PIEZO2: variants seen among roughly 807,000 people sequenced by gnomAD.
PIEZO2 encodes the protein piezo-type mechanosensitive ion channel component 2.
PIEZO2 carries 172 observed loss-of-function variants against 337.3 expected under a neutral mutation model. The observed-to-expected ratio is 0.51, with a 90% CI of 0.45 to 0.58. PIEZO2 has a LOEUF of 0.58. Ranked by LOEUF, PIEZO2 falls within the 20% of genes least tolerant of loss-of-function variation. PIEZO2 has a pLI of 0.00. For synonymous variants in PIEZO2, 1,251 were observed against 1,228.5 expected (o/e 1.02, Z -0.38); for missense variants, 3,028 against 3,391.3 (o/e 0.89, Z 2.66).
intron 1 of PIEZO2, among the ~76,000 whole-genome samples, chr18:11,100,057 C>A (rs1310804762): frequency 6.6e-6 from 1 of 152,040 alleles, no homozygotes; most frequent in Non-Finnish European, 1.5e-5. Flanking sequence ...TTTTAAAATG[C>A]ATCAACATAA....
intron 1 of PIEZO2, among the ~76,000 whole-genome samples, chr18:11,086,391 C>G (rs1021150499): frequency 6.6e-6 from 1 of 151,442 alleles, no homozygotes; most frequent in Non-Finnish European, 1.5e-5. Flanking sequence ...GTGGTGCGGG[C>G]GCCTGTAGTC....
chr18:11,148,492 C>A lies in PIEZO2; in HGVS notation c.64+33G>T. The A allele has an allele frequency of 6.5e-7, 1 of 1,536,556 alleles. No individual in the cohort carries two copies. Among genetic ancestry groups the A allele is most frequent in the Non-Finnish European group, 8.7e-7 (1 of 1,146,320 alleles). On this transcript the variant is annotated intron_variant, in intron 1 of 55. Coordinates refer to ENST00000674853, the MANE Select transcript of PIEZO2 (RefSeq NM_001378183.1). This position sits in a 1 kb window ranked among gnomAD's most constrained non-coding sequence, Gnocchi z 5.2. ...CCACCCAGGCGCCCCCCTCGTCCTCCTCAAGTGCCCTCGGAAAGCGGACCA... is the reference window on the plus strand; with the variant it reads ...CCACCCAGGCGCCCCCCTCGTCCTCATCAAGTGCCCTCGGAAAGCGGACCA...
At chr18:11,138,992 G>C (rs2040565027) in intron 1 of PIEZO2, among the ~76,000 whole-genome samples, 2 of 152,164 alleles carry the variant, frequency 1.3e-5, no homozygotes, top group South Asian at 4.1e-4. Context: ...CATTGAAACT[G>C]TGCTGCTCTC....
intron 39 of PIEZO2, 69 bp downstream of exon 39, chr18:10,714,695 C>G (rs1272044506): frequency 2.1e-5 from 32 of 1,489,240 alleles, no homozygotes; most frequent in Non-Finnish European, 2.8e-5. Context: ...ACATTCATTT[C>G]TTATATTTGA....
intron 3 of PIEZO2, among the ~76,000 whole-genome samples, chr18:10,947,910 T>G (rs950746139): frequency 4.6e-5 from 7 of 152,056 alleles, no homozygotes; most frequent in African/African-American, 1.7e-4. Context: ...TGTGATAAAT[T>G]AAAGGTGAAT....
At chr18:10,699,533 T>C (rs761151677) in intron 43 of PIEZO2, among the ~76,000 whole-genome samples, 1 of 152,174 alleles carries the variant, frequency 6.6e-6, no homozygotes, top group African/African-American at 2.4e-5. Flanking sequence ...TCTGCCATGA[T>C]TGTGAGGCCT....
intron 1 of PIEZO2, among the ~76,000 whole-genome samples, chr18:11,141,170 C>G (rs543325118): frequency 6.6e-6 from 1 of 152,288 alleles, no homozygotes; most frequent in East Asian, 1.9e-4. Context: ...TCAAGAAGAA[C>G]AGAATTGTCT....
In PIEZO2 at chr18:10,724,377, C is replaced by G. The variant is rs2036439706; in HGVS notation, c.5030-6118G>C. ...CTGTCTCAAAAAACAAAAACGAAAACAAAAGTGCTTTCTCCTGGCCCAGCA... is the reference window on the plus strand; with the variant it reads ...CTGTCTCAAAAAACAAAAACGAAAAGAAAAGTGCTTTCTCCTGGCCCAGCA... On this transcript the variant is annotated intron_variant, in intron 36 of 55. Coordinates refer to ENST00000674853, the MANE Select transcript of PIEZO2 (RefSeq NM_001378183.1). This position sits in a 1 kb window ranked among gnomAD's most constrained non-coding sequence, Gnocchi z 5.8. 6.6e-6 allele frequency among the ~76,000 whole-genome samples: 1 copy of G among 152,114 alleles called. No homozygotes were observed. The highest frequency in any genetic ancestry group is 2.4e-5 in the African/African-American group (1 of 41,426).
intron 4 of PIEZO2, among the ~76,000 whole-genome samples, chr18:10,900,884 A>G (rs1429740235): frequency 6.6e-6 from 1 of 152,224 alleles, no homozygotes; most frequent in African/African-American, 2.4e-5. Context: ...CCAGTCAGCC[A>G]CTAGCAAAGA....
At chr18:10,898,285 G>A (rs555873825) in intron 4 of PIEZO2, among the ~76,000 whole-genome samples, 20 of 152,310 alleles carry the variant, frequency 1.3e-4, no homozygotes, top group Admixed American at 1.2e-3. Context: ...GCCGGGCGTG[G>A]TGGCAGGTGC....
At position 10,921,902 on chromosome 18, in the gene PIEZO2, G is replaced by A. The variant is rs536517545; in HGVS notation, c.287-10674C>T. On this transcript the variant is annotated intron_variant, in intron 3 of 55. Coordinates refer to ENST00000674853, the MANE Select transcript of PIEZO2 (RefSeq NM_001378183.1). ...GAAATAAACCCCAGTCTCCCATAGC[G>A]CTCCCAGGCTTATTAGGAAGAGGAA... 1.4e-3 allele frequency among the ~76,000 whole-genome samples: 219 copies of A among 152,158 alleles called. 2 individuals carry two copies. The highest frequency in any genetic ancestry group is 3.0e-3 in the Admixed American group (46 of 15,282).
intron 9 of PIEZO2, among the ~76,000 whole-genome samples, chr18:10,803,333 A>G (rs2039890051): frequency 6.6e-6 from 1 of 152,222 alleles, no homozygotes; most frequent in Non-Finnish European, 1.5e-5. Flanking sequence ...AAATATTGGA[A>G]AGTTTTTAAG....
Position 10,815,680 on chromosome 18 carries a change from A to G in PIEZO2, c.918-8406T>C, listed in dbSNP as rs1373141024. ...TTTGTTTCCACAGCAACGTACCTAG[A>G]TAATATTTGGGAGTGCTCTCACTCA... On this transcript the variant is annotated intron_variant, in intron 7 of 55. Coordinates refer to ENST00000674853, the MANE Select transcript of PIEZO2 (RefSeq NM_001378183.1). The surrounding 1 kb of genome is among the most constrained non-coding windows in gnomAD (Gnocchi z 4.1). Among the ~76,000 whole-genome samples the G allele has an allele frequency of 9.2e-5, 14 of 152,194 alleles. No individual in the cohort carries two copies. Among genetic ancestry groups the G allele is most frequent in the Non-Finnish European group, 4.4e-5 (3 of 68,032 alleles).
intron 13 of PIEZO2, among the ~76,000 whole-genome samples, chr18:10,791,993 C>T (rs1001515210): frequency 2.0e-5 from 3 of 152,188 alleles, no homozygotes; most frequent in African/African-American, 7.2e-5. Flanking sequence ...GTTGTCCAGG[C>T]TGGAGTGTAA....
chr18:10,949,496 A>AGT (rs1555681158), intron 3 of PIEZO2, among the ~76,000 whole-genome samples: 1 of 151,826 alleles, frequency 6.6e-6, no homozygotes, highest in African/African-American at 2.4e-5. Flanking sequence ...CTGGATTCCC[A>AGT]CTCTGTCTAC....
Position 11,027,340 on chromosome 18 carries a change from C to T in PIEZO2, c.160+38787G>A, listed in dbSNP as rs544790803. ...CTGTGTGTGAATAAAGGAAGGACTG[C>T]GACTGTCAATTCACCAGTGAGGCAA... On this transcript the variant is annotated intron_variant, in intron 2 of 55. Transcript: ENST00000674853. The surrounding 1 kb of genome is among the most constrained non-coding windows in gnomAD (Gnocchi z 4.2). Among the ~76,000 whole-genome samples, 2 of 152,098 alleles carry T rather than the reference C, an allele frequency of 1.3e-5. No homozygotes were observed. Among genetic ancestry groups the T allele is most frequent in the Non-Finnish European group, 1.5e-5 (1 of 68,012 alleles).
chr18:11,109,900 C>T lies in PIEZO2; in HGVS notation c.64+38625G>A, dbSNP rs576811003. 1.2e-4 allele frequency among the ~76,000 whole-genome samples: 19 copies of T among 152,238 alleles called. No homozygotes were observed. Among genetic ancestry groups the T allele is most frequent in the African/African-American group, 4.6e-4 (19 of 41,548 alleles). Reference sequence around the variant, plus strand: ...TTAGATTTGACTTTATTATAGTCATCTAAAGTGGAACGGAAGAATTTATTT... The same window carrying T: ...TTAGATTTGACTTTATTATAGTCATTTAAAGTGGAACGGAAGAATTTATTT... On this transcript the variant is annotated intron_variant, in intron 1 of 55. Coordinates refer to ENST00000674853, the MANE Select transcript of PIEZO2 (RefSeq NM_001378183.1). This position sits in a 1 kb window ranked among gnomAD's most constrained non-coding sequence, Gnocchi z 5.1.
chr18:11,094,580 T>C lies in PIEZO2; in HGVS notation c.65-28358A>G, dbSNP rs2039207417. Among the ~76,000 whole-genome samples the C allele has an allele frequency of 6.6e-6, 1 of 152,180 alleles. No homozygotes were observed. Among genetic ancestry groups the C allele is most frequent in the African/African-American group, 2.4e-5 (1 of 41,448 alleles). On this transcript the variant is annotated intron_variant, in intron 1 of 55. Coordinates refer to ENST00000674853, the MANE Select transcript of PIEZO2 (RefSeq NM_001378183.1). This position sits in a 1 kb window ranked among gnomAD's most constrained non-coding sequence, Gnocchi z 4.4. ...AAGTGCAGGCACTCAGAAGCCTCGC[T>C]GTCCCCTCTCTGAAGACAGATGGCA...
chr18:10,676,161 C>T lies in PIEZO2; in HGVS notation c.8082-873G>A, dbSNP rs898144717. On this transcript the variant is annotated intron_variant, in intron 53 of 55. Coordinates refer to ENST00000674853, the MANE Select transcript of PIEZO2 (RefSeq NM_001378183.1). This position sits in a 1 kb window ranked among gnomAD's most constrained non-coding sequence, Gnocchi z 5.1. Reference sequence around the variant, plus strand: ...TCCCACAAGCCCAGTGCCTTCAATACATTCTTGAGTAGATATGCCTTATCA... The same window carrying T: ...TCCCACAAGCCCAGTGCCTTCAATATATTCTTGAGTAGATATGCCTTATCA... Among the ~76,000 whole-genome samples, 7 of 152,194 alleles carry T rather than the reference C, an allele frequency of 4.6e-5. No individual in the cohort carries two copies. The highest frequency in any genetic ancestry group is 1.9e-4 in the East Asian group (1 of 5,196).
Sources: gnomAD v4.1 joint callset for allele counts (sites outside exome capture counted in the v4.1 genomes callset) on GRCh38, gnomAD v4.1.1 for gene constraint, Gnocchi (gnomAD v3.1) non-coding constraint, MANE v1.5 for transcripts, NCBI Gene and HGNC (gene_info 2026-07-23, HGNC 2026-07-21) for gene names.